ARPC1A: variants seen among roughly 807,000 people sequenced by gnomAD.
ARPC1A encodes actin-related protein 2/3 complex subunit 1A.
A neutral mutation model predicts 46.9 loss-of-function variants in ARPC1A; 8 were observed. That is an observed-to-expected ratio of 0.17 (90% CI 0.10 to 0.31). ARPC1A has a LOEUF of 0.31. Among genes scored for constraint, ARPC1A ranks in the 10% least tolerant of loss-of-function variants. ARPC1A has a pLI of 1.00. For missense variants in ARPC1A, 286 were observed against 483.6 expected, an observed-to-expected ratio of 0.59 and a Z score of 3.83; for synonymous variants, 152 against 169.0, an observed-to-expected ratio of 0.90 and a Z score of 0.78.
intron 4 of ARPC1A, among the ~76,000 whole-genome samples, chr7:99,346,475 G>A (rs546509677): frequency 5.3e-5 from 8 of 152,076 alleles, no homozygotes; most frequent in South Asian, 2.1e-4. Context: ...ATTTTTATTC[G>A]TTGAGAATTA....
chr7:99,326,563 T>C (rs1793051119), intron 1 of ARPC1A, among the ~76,000 whole-genome samples: 1 of 152,238 alleles, frequency 6.6e-6, no homozygotes, highest in Admixed American at 6.5e-5. Context: ...CTCGGCGCTC[T>C]TATTCATTTA....
In ARPC1A at chr7:99,354,097, T is replaced by G; in HGVS notation, c.689T>G (p.Val230Gly). The G allele has an allele frequency of 6.2e-7, 1 of 1,614,000 alleles. No homozygotes were observed. The highest frequency in any genetic ancestry group is 8.5e-7 in the Non-Finnish European group (1 of 1,179,900). ...GTCAGCCACGACAGCACCGTGTCTG[T>G]TGCTGATGCCTCAAAAAGTGTGCAG... ...AWVSHDSTVS[V>G]ADASKSVQVS... The change falls in exon 6 of 10, where the codon GTT (valine) becomes GGT (glycine). Residue 230 changes from valine to glycine, a missense_variant. Val to Gly is a moderately radical substitution (Grantham distance 109). Around this residue, in one of 5 missense-constraint regions of ARPC1A, gnomAD observed 182 missense variants for 276.7 expected, o/e 0.66. Transcript: ENST00000262942.
rs17161687 is a variant in ARPC1A, at chr7:99,344,286, C to T, written c.170-7C>T. 0.056 allele frequency: 89,858 copies of T among 1,613,612 alleles called. 3,468 individuals carry two copies. Among genetic ancestry groups the T allele is most frequent in the African/African-American group, 0.19 (14,289 of 74,992 alleles). ...GGCAAAGCAGATGACCCATGTCTCACTTGCAGGTATTGACTGGGCTCCCAA... is the reference window on the plus strand; with the variant it reads ...GGCAAAGCAGATGACCCATGTCTCATTTGCAGGTATTGACTGGGCTCCCAA... On this transcript the variant is annotated splice_region_variant and splice_polypyrimidine_tract_variant and intron_variant, in intron 3 of 9. Transcript: ENST00000262942.
At chr7:99,358,123 C>T (rs148503411) in intron 6 of ARPC1A, among the ~76,000 whole-genome samples, 4 of 152,168 alleles carry the variant, frequency 2.6e-5, no homozygotes, top group Non-Finnish European at 5.9e-5. Context: ...ACCAGTTTGT[C>T]GTCAGTGGGC....
intron 3 of ARPC1A, among the ~76,000 whole-genome samples, chr7:99,344,061 A>G (rs577235344): frequency 6.6e-6 from 1 of 152,330 alleles, no homozygotes; most frequent in African/African-American, 2.4e-5. Context: ...TAATTATAAA[A>G]CAGCTCTTCT....
intron 6 of ARPC1A, among the ~76,000 whole-genome samples, chr7:99,357,651 G>A (rs775054284): frequency 9.9e-5 from 15 of 152,016 alleles, no homozygotes; most frequent in Admixed American, 7.2e-4. Flanking sequence ...TGAATGCATC[G>A]TTTCTTGCAT....
chr7:99,342,633 A>AT (rs1793373505), intron 3 of ARPC1A, among the ~76,000 whole-genome samples: 1 of 149,542 alleles, frequency 6.7e-6, no homozygotes, highest in African/African-American at 2.5e-5. Flanking sequence ...ACATTCTCAT[A>AT]TTTTCTTCCC....
intron 4 of ARPC1A, among the ~76,000 whole-genome samples, chr7:99,346,258 A>G (rs540483945): frequency 1.2e-4 from 19 of 152,100 alleles, no homozygotes; most frequent in African/African-American, 4.6e-4. Context: ...TGAAACATAC[A>G]TTTTTCTTTC....
At chr7:99,353,157 TGTTATGTTATGTTA>T (rs1434094201) in intron 5 of ARPC1A, among the ~76,000 whole-genome samples, 1 of 151,122 alleles carries the variant, frequency 6.6e-6, no homozygotes, top group Non-Finnish European at 1.5e-5. Flanking sequence ...TGTTATGTTA[TGTTATGTTATGTTA>T]TTTTAGAGAC....
intron 2 of ARPC1A, among the ~76,000 whole-genome samples, chr7:99,336,501 T>C (rs1793255053): frequency 7.6e-6 from 1 of 131,730 alleles, no homozygotes; most frequent in Non-Finnish European, 1.6e-5. Flanking sequence ...TTTTTTTTTT[T>C]TTTTTTTTGA....
rs1251597305 is a variant in ARPC1A at position 99,366,012 on chromosome 7, C to G, written c.*83C>G. 1 of 1,458,702 alleles carries G rather than the reference C, an allele frequency of 6.9e-7. No homozygotes were observed. Among genetic ancestry groups the G allele is most frequent in the African/African-American group, 1.4e-5 (1 of 71,028 alleles). The allele number at this position is 1,458,702 out of a possible 1,614,324, so 90.4% of individuals were successfully genotyped here. A position where few individuals can be genotyped will look rare whatever the true frequency, so the allele number is the denominator to read the frequency against. On this transcript the variant is annotated 3_prime_UTR_variant, in exon 10 of 10. Transcript: ENST00000262942. ...GTGGCACGATGGCGAGGAAGCCAGC[C>G]CCAAGGAAACACTGAAAACACATAT...
chr7:99,344,577 G>A, intron 4 of ARPC1A, 62 bp downstream of exon 4: 3 of 1,522,552 alleles, frequency 2.0e-6, no homozygotes, highest in African/African-American at 1.4e-5. Context: ...ACTGCTGTGT[G>A]AGGGCTCACC....
intron 8 of ARPC1A, 118 bp downstream of exon 8, chr7:99,359,856 G>C: frequency 7.6e-6 from 9 of 1,185,496 alleles, no homozygotes; most frequent in Non-Finnish European, 1.1e-5. Context: ...TTCTTTCAGG[G>C]ACAAGTGCAG....
intron 6 of ARPC1A, among the ~76,000 whole-genome samples, chr7:99,357,353 T>C (rs1452537964): frequency 2.0e-5 from 3 of 152,026 alleles, no homozygotes; most frequent in Non-Finnish European, 4.4e-5. Context: ...ACATATACAG[T>C]TAGCTTTTTT....
intron 5 of ARPC1A, among the ~76,000 whole-genome samples, chr7:99,353,118 G>T (rs758587696): frequency 1.7e-3 from 53 of 30,340 alleles, no homozygotes; most frequent in Middle Eastern, 0.013. Context: ...TTTAGTTTAT[G>T]TTATGTTATG....
chr7:99,331,701 T>C (rs2150857969), intron 1 of ARPC1A, among the ~76,000 whole-genome samples: 1 of 152,254 alleles, frequency 6.6e-6, no homozygotes, highest in African/African-American at 2.4e-5. Flanking sequence ...GGCGGGTCAC[T>C]TGAGGCCAGG....
At chr7:99,358,518 T>A (rs1793681282) in intron 7 of ARPC1A, 103 bp downstream of exon 7, 1 of 978,170 alleles carries the variant, frequency 1.0e-6, no homozygotes, top group Non-Finnish European at 1.5e-6. Context: ...AACAGTTTTT[T>A]AGAAGAAACA....
chr7:99,338,382 T>TTA, intron 3 of ARPC1A, 97 bp downstream of exon 3: 1 of 603,428 alleles, frequency 1.7e-6, no homozygotes, highest in Non-Finnish European at 2.5e-6. Context: ...GCCATAATTT[T>TTA]TTTTTTTTTT....
intron 6 of ARPC1A, 21 bp from the exon 7 acceptor site, chr7:99,358,319 A>G (rs1483854824): frequency 6.2e-7 from 1 of 1,611,616 alleles, no homozygotes; most frequent in Admixed American, 1.7e-5. Flanking sequence ...ATCTTGGGAT[A>G]ACACATGTTC....
Sources: gnomAD v4.1 joint callset for allele counts (sites outside exome capture counted in the v4.1 genomes callset) on GRCh38, gnomAD v4.1.1 for gene constraint, gnomAD v4.1.1 regional missense constraint, MANE v1.5 for transcripts, NCBI Gene and HGNC (gene_info 2026-07-23, HGNC 2026-07-21) for gene names.